RPS6KA2: variants seen among roughly 807,000 people sequenced by gnomAD.
The protein encoded by RPS6KA2 is ribosomal protein S6 kinase alpha-2.
In RPS6KA2, 42 loss-of-function variants were observed where a neutral mutation model predicts 91.8. The ratio of observed to expected loss-of-function variants is 0.46; its 90% CI spans 0.36 to 0.59. The LOEUF is 0.59. Among genes scored for constraint, RPS6KA2 ranks in the 20% least tolerant of loss-of-function variants. The pLI is 0.00. For synonymous variants in RPS6KA2, 414 were observed against 393.6 expected (o/e 1.05, Z -0.61); for missense variants, 798 against 978.5 (o/e 0.82, Z 2.46).
intron 1 of RPS6KA2, among the ~76,000 whole-genome samples, chr6:166,622,459 T>C (rs1235679933): frequency 1.3e-5 from 2 of 152,170 alleles, no homozygotes; most frequent in Non-Finnish European, 1.5e-5. Context: ...AAAATTAAGA[T>C]AAACATAATT....
At position 166,849,966 on chromosome 6, in the gene RPS6KA2, C is replaced by T. The variant is rs150936686; in HGVS notation, c.123+8234G>A. Among the ~76,000 whole-genome samples the T allele has an allele frequency of 9.7e-4, 147 of 152,186 alleles. 1 individual carries two copies. Among genetic ancestry groups the T allele is most frequent in the Non-Finnish European group, 1.3e-3 (85 of 67,994 alleles). ...AAGTGTGAGACTCCGGGTTCAGGAA[C>T]GAGGGGCACTCACGCATGGCTCTGC... On this transcript the variant is annotated intron_variant, in intron 2 of 21. Transcript: ENST00000503859. This position sits in a 1 kb window ranked among gnomAD's most constrained non-coding sequence, Gnocchi z 4.9.
At chr6:166,521,282 G>C (rs1292253919) in intron 3 of RPS6KA2, among the ~76,000 whole-genome samples, 2 of 152,188 alleles carry the variant, frequency 1.3e-5, no homozygotes, top group Non-Finnish European at 2.9e-5. Context: ...AAAGCTGTGG[G>C]AGGCCACCCA....
chr6:166,574,148 T>A (rs889681523), intron 1 of RPS6KA2, among the ~76,000 whole-genome samples: 5 of 152,194 alleles, frequency 3.3e-5, no homozygotes, highest in African/African-American at 1.2e-4. Context: ...GAGGGTTTTT[T>A]AATTTTTTAA....
intron 11 of RPS6KA2, among the ~76,000 whole-genome samples, chr6:166,466,182 C>T (rs1562513355): frequency 1.3e-5 from 2 of 152,232 alleles, no homozygotes; most frequent in Non-Finnish European, 2.9e-5. Context: ...ATGCCACCTT[C>T]TTGGGTTGTG....
chr6:166,411,774 G>A lies in RPS6KA2; in HGVS notation c.*988C>T, dbSNP rs1778313667. The A allele has an allele frequency of 6.6e-6, 1 of 152,430 alleles. No homozygotes were observed. Among genetic ancestry groups the A allele is most frequent in the African/African-American group, 2.4e-5 (1 of 41,460 alleles). 9.4% of individuals were successfully genotyped at this position (152,430 alleles called of 1,614,324 possible). On this transcript the variant is annotated 3_prime_UTR_variant, in exon 21 of 21. Coordinates refer to ENST00000265678, the MANE Select transcript of RPS6KA2 (RefSeq NM_021135.6). This position sits in a 1 kb window ranked among gnomAD's most constrained non-coding sequence, Gnocchi z 4.5. ...TCTCCCTCCAGCCTCCAGCTGGACT[G>A]AGAAGGTTTGGGTGGGAAGCCACAG...
At chr6:166,450,407 AGGGACCACCACAGGGACCACCATG>A (rs1438140445) in intron 13 of RPS6KA2, among the ~76,000 whole-genome samples, 13 of 72,016 alleles carry the variant, frequency 1.8e-4, no homozygotes, top group East Asian at 7.3e-4. Flanking sequence ...AGATCACCAC[AGGGACCACCACAGGGACCACCATG>A]GGGACCACCA....
chr6:166,485,455 G>A (rs933868127), intron 10 of RPS6KA2, among the ~76,000 whole-genome samples: 2 of 151,200 alleles, frequency 1.3e-5, no homozygotes, highest in Non-Finnish European at 2.9e-5. Context: ...ATCCCCTCCA[G>A]CTGGGAGGGT....
At chr6:166,538,817 CG>C (rs747938432) in intron 1 of RPS6KA2, 33 bp from the exon 2 acceptor site, 1 of 1,180,386 alleles carries the variant, frequency 8.5e-7, no homozygotes, top group East Asian at 2.4e-5. Flanking sequence ...AGAAACACAC[CG>C]CGAGGAGTCC....
At position 166,660,619 on chromosome 6, in the gene RPS6KA2, T is replaced by C. The variant is rs115719876; in HGVS notation, c.124-121835A>G. Among the ~76,000 whole-genome samples, 797 of 152,312 alleles carry C rather than the reference T, an allele frequency of 5.2e-3. 3 individuals carry two copies. The highest frequency in any genetic ancestry group is 0.019 in the African/African-American group (770 of 41,560). On this transcript the variant is annotated intron_variant, in intron 2 of 21. Coordinates refer to the RPS6KA2 transcript ENST00000503859. Reference sequence around the variant, plus strand: ...GAATAATTACCTACACAATTAATAGTGTAATCACAAAAAGGATCAGTATTT... The same window carrying C: ...GAATAATTACCTACACAATTAATAGCGTAATCACAAAAAGGATCAGTATTT...
At position 166,557,052 on chromosome 6, in the gene RPS6KA2, G is replaced by C. The variant is rs1784198370; in HGVS notation, c.100-18268C>G. Among the ~76,000 whole-genome samples, 2 of 152,310 alleles carry C rather than the reference G, an allele frequency of 1.3e-5. No homozygotes were observed. The highest frequency in any genetic ancestry group is 4.1e-4 in the South Asian group (2 of 4,820). On this transcript the variant is annotated intron_variant, in intron 1 of 20. Coordinates refer to ENST00000265678, the MANE Select transcript of RPS6KA2 (RefSeq NM_021135.6). This position sits in a 1 kb window ranked among gnomAD's most constrained non-coding sequence, Gnocchi z 4.8. ...CAACCAGACCACGGGGCATTAGCCG[G>C]GGCTGACTCATCACATCCCGCCTCG...
intron 2 of RPS6KA2, among the ~76,000 whole-genome samples, chr6:166,674,961 G>A (rs1399122826): frequency 6.6e-6 from 1 of 152,204 alleles, no homozygotes; most frequent in African/African-American, 2.4e-5. Context: ...GAGCCACTGT[G>A]CCTGGCGAAA....
rs1562390754 is a variant in RPS6KA2 at position 166,701,089 on chromosome 6, G to C, written c.123+157111C>G. 4 of 1,602,184 alleles carry C rather than the reference G, an allele frequency of 2.5e-6. No individual in the cohort carries two copies. In the East Asian group the frequency reaches 6.7e-5, roughly 27 times the overall value. On this transcript the variant is annotated intron_variant, in intron 2 of 21. Transcript: ENST00000503859. ...CTGCCTCCGTGGTGGGCTGTTTCCT[G>C]AGCCTTACTTCCGTCTTGACTGAGG...
intron 2 of RPS6KA2, among the ~76,000 whole-genome samples, chr6:166,676,084 G>T (rs969900158): frequency 7.2e-5 from 11 of 152,076 alleles, no homozygotes; most frequent in African/African-American, 2.2e-4. Context: ...GGGAGGCCGA[G>T]GGGGGATGGA....
intron 2 of RPS6KA2, among the ~76,000 whole-genome samples, chr6:166,534,750 T>G (rs1394293401): frequency 6.6e-6 from 1 of 152,250 alleles, no homozygotes; most frequent in East Asian, 1.9e-4. Context: ...ACTTTTGCTT[T>G]TTAAAAGAAT....
rs528398834 is a variant in RPS6KA2, at chr6:166,429,423, A to C, written c.1581+1030T>G. 3.7e-3 allele frequency among the ~76,000 whole-genome samples: 564 copies of C among 152,112 alleles called. 3 individuals carry two copies. The highest frequency in any genetic ancestry group is 0.012 in the African/African-American group (492 of 41,484). On this transcript the variant is annotated intron_variant, in intron 16 of 20. Transcript: ENST00000265678. ...TGCACATTGTGCACATGTACCTAAAACTTAAAGTATAATAATAATAAAATT... is the reference window on the plus strand; with the variant it reads ...TGCACATTGTGCACATGTACCTAAACCTTAAAGTATAATAATAATAAAATT...
chr6:166,837,613 G>T (rs893024382), intron 2 of RPS6KA2, among the ~76,000 whole-genome samples: 2 of 152,200 alleles, frequency 1.3e-5, no homozygotes, highest in Admixed American at 6.5e-5. Flanking sequence ...GGGCTCTGGG[G>T]TCCTAGGCTG....
At chr6:166,801,031 C>T (rs1305180327) in intron 2 of RPS6KA2, among the ~76,000 whole-genome samples, 2 of 152,138 alleles carry the variant, frequency 1.3e-5, no homozygotes, top group African/African-American at 4.8e-5. Flanking sequence ...GAGAAATTCT[C>T]TAGGCGGTCA....
chr6:166,640,821 G>A (rs9348159), intron 2 of RPS6KA2, among the ~76,000 whole-genome samples: 17,048 of 145,422 alleles, frequency 0.12, 1,034 homozygotes, highest in South Asian at 0.2. Flanking sequence ...GGGTGTGGGG[G>A]GTCGGATCCG....
chr6:166,466,073 C>T (rs994796454), intron 11 of RPS6KA2, among the ~76,000 whole-genome samples: 9 of 152,288 alleles, frequency 5.9e-5, no homozygotes, highest in South Asian at 2.1e-4. Flanking sequence ...TCTCTCAAAA[C>T]GAAAACAAGG....
Sources: allele counts gnomAD v4.1 joint callset (sites outside exome capture counted in the v4.1 genomes callset), GRCh38; gene constraint gnomAD v4.1.1; non-coding constraint Gnocchi (gnomAD v3.1); transcripts MANE v1.5; gene names NCBI Gene and HGNC (gene_info 2026-07-23, HGNC 2026-07-21).